ABCD2: variants seen among roughly 807,000 people sequenced by gnomAD.
ABCD2 encodes ATP binding cassette subfamily D member 2.
In ABCD2, 36 loss-of-function variants were observed where a neutral mutation model predicts 70.9. That is an observed-to-expected ratio of 0.51 (90% CI 0.39 to 0.67). The LOEUF is 0.67. Among genes scored for constraint, ABCD2 ranks in the 30% least tolerant of loss-of-function variants. The pLI is 0.00. For missense variants in ABCD2, 729 were observed against 890.2 expected, an observed-to-expected ratio of 0.82 and a Z score of 2.30; for synonymous variants, 304 against 306.9, an observed-to-expected ratio of 0.99 and a Z score of 0.10.
At chr12:39,599,530 T>C (rs1162684552) in intron 6 of ABCD2, among the ~76,000 whole-genome samples, 10 of 152,236 alleles carry the variant, frequency 6.6e-5, no homozygotes, top group Admixed American at 5.2e-4. Flanking sequence ...AATATCTATG[T>C]CATTGCTCAT....
In ABCD2 at chr12:39,553,995, G is replaced by T. The variant is rs759289660; in HGVS notation, c.2140C>A (p.Gln714Lys). 1.1e-5 allele frequency: 17 copies of T among 1,613,222 alleles called. No individual in the cohort carries two copies. The Admixed American group carries it at 1.7e-4, about 16-fold the overall frequency. The change falls in exon 10 of 10, where the codon CAG (glutamine) becomes AAG (lysine). Residue 714 changes from glutamine to lysine, a missense_variant. Around this residue, in one of 3 missense-constraint regions of ABCD2, gnomAD observed 289 missense variants for 328.8 expected, o/e 0.88. Transcript: ENST00000308666. ...ESQLAGIPKM[Q>K]QRLNELCKIL... ...TTACATAGTTCATTGAGTCTCTGCT[G>T]CATTTTGGGAATTCCAGCTAGCTGA...
At chr12:39,593,379 A>C (rs990454654) in intron 6 of ABCD2, among the ~76,000 whole-genome samples, 3 of 152,112 alleles carry the variant, frequency 2.0e-5, no homozygotes, top group African/African-American at 7.2e-5. Context: ...CAGCCTCTTA[A>C]GTAGCTGGGA....
rs185380154 is a variant in ABCD2 at position 39,553,871 on chromosome 12, C to G, written c.*41G>C. 11 of 1,437,280 alleles carry G rather than the reference C, an allele frequency of 7.7e-6. No individual in the cohort carries two copies. Among genetic ancestry groups the G allele is most frequent in the African/African-American group, 7.1e-5 (5 of 70,436 alleles). The allele number at this position is 1,437,280 out of a possible 1,614,324, so 89.0% of individuals were successfully genotyped here. Reference sequence around the variant, plus strand: ...TGCAGTATAACAGAATGTCTTTGAGCCTTTATCTAATAATTAACTTTTAAA... The same window carrying G: ...TGCAGTATAACAGAATGTCTTTGAGGCTTTATCTAATAATTAACTTTTAAA... On this transcript the variant is annotated 3_prime_UTR_variant, in exon 10 of 10. Transcript: ENST00000308666.
intron 9 of ABCD2, among the ~76,000 whole-genome samples, chr12:39,572,832 G>A (rs1238934986): frequency 6.6e-6 from 1 of 152,078 alleles, no homozygotes; most frequent in African/African-American, 2.4e-5. Context: ...GAAAACAGGA[G>A]GCCAAAGCAT....
intron 9 of ABCD2, among the ~76,000 whole-genome samples, chr12:39,570,209 T>G (rs1020090251): frequency 6.6e-6 from 1 of 152,228 alleles, no homozygotes; most frequent in African/African-American, 2.4e-5. Context: ...ATGCCAATGA[T>G]AGTCTTCAGA....
intron 9 of ABCD2, among the ~76,000 whole-genome samples, chr12:39,554,910 T>C (rs1028243358): frequency 6.6e-6 from 1 of 152,210 alleles, no homozygotes; most frequent in Non-Finnish European, 1.5e-5. Context: ...TATATTCTTA[T>C]GTGTCCTCAA....
chr12:39,588,455 G>A (rs1941696692), intron 6 of ABCD2, among the ~76,000 whole-genome samples: 1 of 152,168 alleles, frequency 6.6e-6, no homozygotes, highest in African/African-American at 2.4e-5. Context: ...AAAGCCACGT[G>A]AAGAAGGAGA....
At chr12:39,534,797 A>AGAAAGAAAGAAG in the ABCD2 span, among the ~76,000 whole-genome samples, 1 of 150,362 alleles carries the variant, frequency 6.7e-6, no homozygotes, top group African/African-American at 2.5e-5. Flanking sequence ...AAAGAAAGAA[A>AGAAAGAAAGAAG]GAAAGAAAGA....
chr12:39,605,081 C>T (rs1190705151), intron 3 of ABCD2, 151 bp from the exon 4 acceptor site: 5 of 487,446 alleles, frequency 1.0e-5, no homozygotes, highest in African/African-American at 9.9e-5. Context: ...AACTAAAACA[C>T]ATGACAGTAC....
intron 9 of ABCD2, among the ~76,000 whole-genome samples, chr12:39,564,193 G>A (rs1941305930): frequency 6.6e-6 from 1 of 152,150 alleles, no homozygotes; most frequent in South Asian, 2.1e-4. Flanking sequence ...GATCCCTGAG[G>A]AATCGCCACA....
the ABCD2 span, among the ~76,000 whole-genome samples, chr12:39,543,502 A>G: frequency 3.9e-5 from 6 of 152,328 alleles, no homozygotes; most frequent in African/African-American, 1.4e-4. Flanking sequence ...TGATGTGGAC[A>G]CATTAAAATT....
chr12:39,535,801 TAAGTA>T, the ABCD2 span, among the ~76,000 whole-genome samples: 19 of 152,316 alleles, frequency 1.2e-4, no homozygotes, highest in East Asian at 3.3e-3. Context: ...AAAGTAGCCT[TAAGTA>T]AATACTACAT....
At chr12:39,565,357 T>C (rs1328101871) in intron 9 of ABCD2, among the ~76,000 whole-genome samples, 5 of 152,206 alleles carry the variant, frequency 3.3e-5, no homozygotes, top group Non-Finnish European at 7.3e-5. Flanking sequence ...CCCTTGTAAG[T>C]TGGATTCCTA....
intron 6 of ABCD2, among the ~76,000 whole-genome samples, chr12:39,589,491 G>A (rs767817547): frequency 2.7e-5 from 4 of 149,812 alleles, no homozygotes; most frequent in Non-Finnish European, 5.9e-5. Context: ...CCGGGTTCTC[G>A]CTGTTCTCTT....
chr12:39,590,650 C>T (rs547011522), intron 6 of ABCD2, among the ~76,000 whole-genome samples: 2 of 151,934 alleles, frequency 1.3e-5, no homozygotes, highest in South Asian at 4.2e-4. Flanking sequence ...ATTCATTCCC[C>T]ATGATTATGG....
the ABCD2 span, among the ~76,000 whole-genome samples, chr12:39,533,292 CT>C: frequency 7.2e-5 from 11 of 152,138 alleles, no homozygotes; most frequent in Non-Finnish European, 1.6e-4. Context: ...TACATCTTGA[CT>C]TTTTTAAAAC....
At chr12:39,605,072 A>T in intron 3 of ABCD2, 142 bp from the exon 4 acceptor site, 1 of 523,768 alleles carries the variant, frequency 1.9e-6, no homozygotes, top group Non-Finnish European at 3.1e-6. Flanking sequence ...ACATCTGAAA[A>T]CTAAAACACA....
intron 9 of ABCD2, among the ~76,000 whole-genome samples, chr12:39,562,514 A>G (rs1250561974): frequency 1.3e-5 from 2 of 152,130 alleles, no homozygotes; most frequent in Non-Finnish European, 2.9e-5. Flanking sequence ...ATTATAATTA[A>G]TACTACAGAA....
chr12:39,611,649 T>C (rs1038103802), intron 2 of ABCD2, among the ~76,000 whole-genome samples: 1 of 152,148 alleles, frequency 6.6e-6, no homozygotes, highest in Non-Finnish European at 1.5e-5. Flanking sequence ...GTTAGGCAGA[T>C]ATTTCTTAAA....
Sources: gnomAD v4.1 joint callset for allele counts (sites outside exome capture counted in the v4.1 genomes callset) on GRCh38, gnomAD v4.1.1 for gene constraint, gnomAD v4.1.1 regional missense constraint, MANE v1.5 for transcripts, NCBI Gene and HGNC (gene_info 2026-07-23, HGNC 2026-07-21) for gene names.